Variants in TENT5D observed in about 807,000 individuals in gnomAD.
The protein encoded by TENT5D is cancer/testis antigen 112.
For synonymous variants in TENT5D, 103 were observed against 100.6 expected (o/e 1.02, Z -0.15); for missense variants, 191 against 287.0 (o/e 0.67, Z 2.42).
intron 1 of TENT5D, among the ~76,000 whole-genome samples, chrX:80,425,046 T>C (rs1003822226): frequency 2.7e-5 from 3 of 112,844 alleles, no homozygotes; most frequent in Non-Finnish European, 5.6e-5. Flanking sequence ...GGGGCTTTTT[T>C]TGGCTTTTCA....
intron 3 of TENT5D, among the ~76,000 whole-genome samples, chrX:80,406,512 G>T (rs1213887500): frequency 5.9e-5 from 6 of 102,290 alleles, no homozygotes; most frequent in Non-Finnish European, 9.9e-5. Flanking sequence ...AATGGAAGAT[G>T]AAATGAATGA....
chrX:80,340,935 T>C (rs1224013446), intron 2 of TENT5D, among the ~76,000 whole-genome samples: 1 of 112,345 alleles, frequency 8.9e-6, no homozygotes, highest in African/African-American at 3.2e-5. Flanking sequence ...CAGCCCACTC[T>C]TTTTCAGGAT....
At chrX:80,348,797 C>G (rs143527754) in intron 3 of TENT5D, among the ~76,000 whole-genome samples, 1 of 111,081 alleles carries the variant, frequency 9.0e-6, no homozygotes, top group African/African-American at 3.3e-5. Context: ...GCTGTGGGTT[C>G]GTTAGAAATA....
chrX:80,394,690 A>T (rs1234197878), intron 3 of TENT5D, among the ~76,000 whole-genome samples: 1 of 111,031 alleles, frequency 9.0e-6, no homozygotes, highest in African/African-American at 3.3e-5. Context: ...CACCATGCCC[A>T]GCCTGCTTAT....
At chrX:80,358,442 A>G in intron 3 of TENT5D, among the ~76,000 whole-genome samples, 1 of 112,340 alleles carries the variant, frequency 8.9e-6, no homozygotes, top group Non-Finnish European at 1.9e-5. Flanking sequence ...CCTCTCTAAA[A>G]TGGAATAAAA....
intron 1 of TENT5D, among the ~76,000 whole-genome samples, chrX:80,430,708 A>C (rs1193134939): frequency 1.8e-5 from 2 of 111,739 alleles, no homozygotes; most frequent in Admixed American, 1.9e-4. Context: ...GCACTTGTAC[A>C]ACAGAATATA....
At chrX:80,390,345 A>G (rs1308022234) in intron 3 of TENT5D, among the ~76,000 whole-genome samples, 1 of 111,507 alleles carries the variant, frequency 9.0e-6, no homozygotes, top group Non-Finnish European at 1.9e-5. Flanking sequence ...CATTTCATTC[A>G]CTTAGTGGTT....
chrX:80,385,793 A>G (rs1212550520), intron 3 of TENT5D, among the ~76,000 whole-genome samples: 2 of 112,627 alleles, frequency 1.8e-5, no homozygotes, highest in Non-Finnish European at 3.7e-5. Flanking sequence ...AAAAGAAGAC[A>G]TTTATGCAAA....
At chrX:80,374,603 G>T (rs1372743775) in intron 3 of TENT5D, among the ~76,000 whole-genome samples, 2 of 111,044 alleles carry the variant, frequency 1.8e-5, no homozygotes, top group Non-Finnish European at 3.8e-5. Context: ...CAGTAAAGGT[G>T]TTGATAGTTT....
chrX:80,439,117 G>A (rs1043020551), intron 2 of TENT5D, among the ~76,000 whole-genome samples: 2 of 111,496 alleles, frequency 1.8e-5, no homozygotes, highest in Admixed American at 1.9e-4. Context: ...TAAATATTCT[G>A]CAATGTGAAC....
intron 3 of TENT5D, among the ~76,000 whole-genome samples, chrX:80,413,893 C>CA (rs1221001798): frequency 8.9e-6 from 1 of 112,018 alleles, no homozygotes. Flanking sequence ...AAGCAAACAA[C>CA]AAAAAAATAG....
intron 3 of TENT5D, among the ~76,000 whole-genome samples, chrX:80,385,683 G>GGCTAATATCCAGAATCTACAAAGA (rs1261124252): frequency 9.0e-6 from 1 of 111,374 alleles, no homozygotes; most frequent in East Asian, 2.8e-4. Context: ...TCTGACAAAG[G>GGCTAATATCCAGAATCTACAAAGA]GCTAATATCC....
chrX:80,397,856 T>G (rs1413931744), intron 3 of TENT5D, among the ~76,000 whole-genome samples: 2 of 111,461 alleles, frequency 1.8e-5, no homozygotes, highest in Non-Finnish European at 3.8e-5. Flanking sequence ...GCAGGGAGGT[T>G]GCAGTGAGCC....
intron 2 of TENT5D, among the ~76,000 whole-genome samples, chrX:80,441,396 C>G (rs749794877): frequency 2.7e-5 from 3 of 111,188 alleles, no homozygotes; most frequent in Non-Finnish European, 5.7e-5. Flanking sequence ...TCTAGTTCTA[C>G]TAGGGAAATA....
chrX:80,375,341 G>A (rs750844475), intron 3 of TENT5D, among the ~76,000 whole-genome samples: 2 of 110,813 alleles, frequency 1.8e-5, no homozygotes, highest in Admixed American at 1.9e-4. Flanking sequence ...TTGACCTTTC[G>A]GGTGTATATA....
chrX:80,435,530 A>G (rs1465433627), intron 1 of TENT5D, among the ~76,000 whole-genome samples: 2 of 112,436 alleles, frequency 1.8e-5, no homozygotes, highest in African/African-American at 6.5e-5. Context: ...TTTTAATGTA[A>G]TGTACTAATA....
At chrX:80,386,568 A>G (rs1931015032) in intron 3 of TENT5D, among the ~76,000 whole-genome samples, 1 of 111,480 alleles carries the variant, frequency 9.0e-6, no homozygotes, top group South Asian at 3.7e-4. Flanking sequence ...AAAAAATAAA[A>G]ATAAAAAATC....
chrX:80,348,619 A>G (rs1249641356), intron 3 of TENT5D, among the ~76,000 whole-genome samples: 1 of 111,433 alleles, frequency 9.0e-6, no homozygotes, highest in Non-Finnish European at 1.9e-5. Context: ...AGACAATTTG[A>G]CTTCCCCTCT....
rs759085757 is a variant in TENT5D, at chrX:80,443,692, T to A, written c.1153T>A (p.Ser385Thr). The change falls in exon 3 of 3, where the codon TCA becomes ACA. Residue 385 changes from serine (S) to threonine (T), a missense_variant. Physicochemically the swap from Ser to Thr is moderately conservative, Grantham distance 58 (BLOSUM62 1). Transcript: ENST00000308293. ...ATACCACCCACTGCACTTTCGTGGA[T>A]CAAATGGTATGAGTTAAAAAATACA... 3.6e-5 allele frequency: 42 copies of A among 1,180,658 alleles called. No homozygotes were observed. The highest frequency in any genetic ancestry group is 4.8e-5 in the Non-Finnish European group (42 of 877,053).
Sources: gnomAD v4.1 joint callset for allele counts (sites outside exome capture counted in the v4.1 genomes callset) on GRCh38, gnomAD v4.1.1 for gene constraint, MANE v1.5 for transcripts, NCBI Gene and HGNC (gene_info 2026-07-23, HGNC 2026-07-21) for gene names.